The following PCDH8 variants were observed in gnomAD, a reference collection of about 807,000 sequenced individuals.
PCDH8 encodes protocadherin-8.
PCDH8 carries 36 observed loss-of-function variants against 58.2 expected under a neutral mutation model. That is an observed-to-expected ratio of 0.62 (90% CI 0.47 to 0.82). The LOEUF is 0.82. PCDH8 is among the 40% of genes least tolerant of loss of function. PCDH8 has a pLI of 0.00. For missense variants in PCDH8, 1,493 were observed against 1,567.8 expected (o/e 0.95, Z 0.81); for synonymous variants, 775 against 728.9 (o/e 1.06, Z -1.02).
rs758838163 is a variant in PCDH8, at chr13:52,847,593, C to T, written c.844G>A (p.Val282Met). The change falls in exon 1 of 3, where the codon GTG becomes ATG. Residue 282 changes from valine (V) to methionine (M), a missense_variant. Physicochemically the swap from Val to Met is conservative, Grantham distance 21. Coordinates refer to ENST00000377942, the MANE Select transcript of PCDH8 (RefSeq NM_002590.4). ...GGGGTGCGGGCGCCAAATGCGAACA[C>T]CACGTCGCCGTTAGGTCCCTCGTCG... The part of the protein sequence containing the change: ...DPDEGPNGDV[V>M]FAFGARTPPE... The T allele has an allele frequency of 6.4e-7, 1 of 1,566,984 alleles. No individual in the cohort carries two copies. Among genetic ancestry groups the T allele is most frequent in the Non-Finnish European group, 8.6e-7 (1 of 1,164,530 alleles).
At position 52,847,828 on chromosome 13, in the gene PCDH8, C is replaced by T; in HGVS notation, c.609G>A (p.Leu203=). The change falls in exon 1 of 3, where the codon CTG becomes CTA. Residue 203 remains leucine (L), a synonymous_variant. Coordinates refer to ENST00000377942, the MANE Select transcript of PCDH8 (RefSeq NM_002590.4). ...TGTAGGCGGCCTGGCTCTCGCGGTCCAGCTCCTGCAGCAGCACCAGGTCTG... is the reference window on the plus strand; with the variant it reads ...TGTAGGCGGCCTGGCTCTCGCGGTCTAGCTCCTGCAGCAGCACCAGGTCTG... ...QCADLVLLQE[L]DRESQAAYSL... The T allele has an allele frequency of 2.0e-6, 3 of 1,495,052 alleles. No homozygotes were observed. Among genetic ancestry groups the T allele is most frequent in the Non-Finnish European group, 2.7e-6 (3 of 1,128,640 alleles). The allele number at this position is 1,495,052 out of a possible 1,614,324, so 92.6% of individuals were successfully genotyped here. A position where few individuals can be genotyped will look rare whatever the true frequency, so the allele number is the denominator to read the frequency against.
chr13:52,844,880 A>C lies in PCDH8; in HGVS notation c.2893T>G (p.Trp965Gly). 4 of 1,579,542 alleles carry C rather than the reference A, an allele frequency of 2.5e-6. No homozygotes were observed. Among genetic ancestry groups the C allele is most frequent in the Non-Finnish European group, 3.4e-6 (4 of 1,161,032 alleles). The change falls in exon 3 of 3, where the codon TGG becomes GGG. Residue 965 changes from tryptophan to glycine, a missense_variant. Physicochemically the swap from Trp to Gly is radical, Grantham distance 184. This residue lies in a region of PCDH8 where 182 missense variants were observed against 178.9 expected (regional missense o/e 1.02). Coordinates refer to ENST00000377942, the MANE Select transcript of PCDH8 (RefSeq NM_002590.4). ...CKILGHSDRC[W>G]SPSCSGPNAH... is the part of the protein sequence containing the mutation. ...TTGGGCCCGCTGCAGGATGGGCTCC[A>C]GCAGCGGTCAGAGTGGCCCAGGATC...
Position 52,844,941 on chromosome 13 carries a change from GA to G in PCDH8, c.2840-9del. The G allele has an allele frequency of 6.6e-7, 1 of 1,511,292 alleles. No individual in the cohort carries two copies. Among genetic ancestry groups the G allele is most frequent in the Non-Finnish European group, 8.8e-7 (1 of 1,130,472 alleles). 93.6% of individuals were successfully genotyped at this position (1,511,292 alleles called of 1,614,324 possible). The stretch of plus-strand genomic sequence containing the variant: ...CGGTGCACGCCCACAGTCCTAATAC[GA>G]AAGGGAAAAGGAAACAGCATGACGA... On this transcript the variant is annotated splice_polypyrimidine_tract_variant and intron_variant, in intron 2 of 2. Coordinates refer to ENST00000377942, the MANE Select transcript of PCDH8 (RefSeq NM_002590.4).
Position 52,847,110 on chromosome 13 carries a change from A to T in PCDH8, c.1327T>A (p.Tyr443Asn). 1 of 1,557,628 alleles carries T rather than the reference A, an allele frequency of 6.4e-7. No homozygotes were observed. The highest frequency in any genetic ancestry group is 8.6e-7 in the Non-Finnish European group (1 of 1,158,580). ...GTCACCACCAGGTAGCTGCCCGCGTAGGCCGGCTGCAGCCGGAAGTGCTCG... is the reference window on the plus strand; with the variant it reads ...GTCACCACCAGGTAGCTGCCCGCGTTGGCCGGCTGCAGCCGGAAGTGCTCG... ...GHEHFRLQPA[Y>N]AGSYLVVTAA... The change falls in exon 1 of 3, where the codon TAC becomes AAC. Residue 443 changes from tyrosine to asparagine, a missense_variant. Coordinates refer to ENST00000377942, the MANE Select transcript of PCDH8 (RefSeq NM_002590.4).
At chr13:52,844,965 C>T (rs1048370311) in intron 2 of PCDH8, 32 bp from the exon 3 acceptor site, 22 of 1,510,454 alleles carry the variant, frequency 1.5e-5, no homozygotes, top group Non-Finnish European at 1.8e-5. Flanking sequence ...AACAGCATGA[C>T]GATTATTCCT....
Position 52,843,399 on chromosome 13 carries a change from A to G in PCDH8, c.*1161T>C, listed in dbSNP as rs1965688793. On this transcript the variant is annotated 3_prime_UTR_variant, in exon 3 of 3. Transcript: ENST00000377942. ...CATTTTAAAGCGAATCCCAAACATC[A>G]TGTCATTTTGCCCATAAATTTGAGT... 1 of 152,160 alleles carries G rather than the reference A, an allele frequency of 6.6e-6. No homozygotes were observed. Among genetic ancestry groups the G allele is most frequent in the Non-Finnish European group, 1.5e-5 (1 of 68,044 alleles). The allele number at this position is 152,160 out of a possible 1,614,324, so 9.4% of individuals were successfully genotyped here.
chr13:52,846,763 G>A lies in PCDH8; in HGVS notation c.1674C>T (p.Thr558=), dbSNP rs775250712. The A allele has an allele frequency of 8.9e-6, 14 of 1,576,700 alleles. No individual in the cohort carries two copies. In the Admixed American group the frequency reaches 1.9e-4, roughly 22 times the overall value. ...VSTYVSVDPA[T]GAIYALRSFD... ...AGCTGCGCAGCGCGTAGATGGCTCC[G>A]GTAGCTGGGTCCACCGAGACATAAG... Residue 558 remains threonine, a synonymous_variant, in exon 1 of 3, where the codon ACC becomes ACT. Transcript: ENST00000377942.
At chr13:52,845,685 A>C in intron 1 of PCDH8, 53 bp from the exon 2 acceptor site, 1 of 1,591,222 alleles carries the variant, frequency 6.3e-7, no homozygotes, top group Non-Finnish European at 8.5e-7. Flanking sequence ...ATAAGAAACA[A>C]ACAAAAAACA....
Position 52,846,593 on chromosome 13 carries a change from G to A in PCDH8, c.1844C>T (p.Ala615Val), listed in dbSNP as rs1175517322. 6.2e-7 allele frequency: 1 copy of A among 1,606,034 alleles called. No homozygotes were observed. ...HAPVLVHPAP[A>V]NGSLEVAVPG... ...CACCGCCACTTCTAGGGAGCCATTG[G>A]CTGGCGCCGGGTGCACCAGGACTGG... Residue 615 changes from alanine to valine, a missense_variant, in exon 1 of 3, where the codon GCC (alanine) becomes GTC (valine). Ala to Val is a moderately conservative substitution (Grantham distance 64, BLOSUM62 0). This residue lies in a region of PCDH8 where 1,307 missense variants were observed against 1,362.7 expected (regional missense o/e 0.96). Coordinates refer to ENST00000377942, the MANE Select transcript of PCDH8 (RefSeq NM_002590.4).
Position 52,848,388 on chromosome 13 carries a change from G to A in PCDH8, c.49C>T (p.Leu17Phe), listed in dbSNP as rs1965779252. 6 of 1,611,312 alleles carry A rather than the reference G, an allele frequency of 3.7e-6. No homozygotes were observed. The highest frequency in any genetic ancestry group is 1.7e-5 in the Admixed American group (1 of 59,996). ...WGSPCLFPLQLFSLCWVLSVA... is the reference protein window; with the variant it reads ...WGSPCLFPLQFFSLCWVLSVA... Reference sequence around the variant, plus strand: ...GAGAGCACCCAGCAGAGGCTGAAGAGCTGCAAGGGGAAAAGGCAGGGGCTG... The same window carrying A: ...GAGAGCACCCAGCAGAGGCTGAAGAACTGCAAGGGGAAAAGGCAGGGGCTG... The change falls in exon 1 of 3, where the codon CTC becomes TTC. Residue 17 changes from leucine (L) to phenylalanine (F), a missense_variant. Physicochemically the swap from Leu to Phe is conservative, Grantham distance 22 (BLOSUM62 0). This residue lies in a region of PCDH8 where 1,307 missense variants were observed against 1,362.7 expected (regional missense o/e 0.96). Transcript: ENST00000377942.
At chr13:52,845,773 G>C (rs1026469891) in intron 1 of PCDH8, 33 bp downstream of exon 1, 1 of 1,497,782 alleles carries the variant, frequency 6.7e-7, no homozygotes. Flanking sequence ...CGCGGAGCTC[G>C]GAGGGGGGCG....
Position 52,844,517 on chromosome 13 carries a change from T to C in PCDH8, c.*43A>G. 1 of 1,496,730 alleles carries C rather than the reference T, an allele frequency of 6.7e-7. No individual in the cohort carries two copies. The highest frequency in any genetic ancestry group is 8.9e-7 in the Non-Finnish European group (1 of 1,118,932). 92.7% of individuals were successfully genotyped at this position (1,496,730 alleles called of 1,614,324 possible). A position where few individuals can be genotyped will look rare whatever the true frequency, so the allele number is the denominator to read the frequency against. The stretch of plus-strand genomic sequence containing the variant: ...GAAACCGGTCAATAACTTAGGGGCT[T>C]CTCGGAGTGACCTGTATATGTGTGA... On this transcript the variant is annotated 3_prime_UTR_variant, in exon 3 of 3. Coordinates refer to ENST00000377942, the MANE Select transcript of PCDH8 (RefSeq NM_002590.4).
rs536291963 is a variant in PCDH8, at chr13:52,843,554, C to A, written c.*1006G>T. The A allele has an allele frequency of 7.2e-5, 11 of 152,306 alleles. No homozygotes were observed. The South Asian group carries it at 8.3e-4, about 11-fold the overall frequency. The allele number at this position is 152,306 out of a possible 1,614,324, so 9.4% of individuals were successfully genotyped here. On this transcript the variant is annotated 3_prime_UTR_variant, in exon 3 of 3. Coordinates refer to ENST00000377942, the MANE Select transcript of PCDH8 (RefSeq NM_002590.4). ...GATGTTAGTCTTTTTGATACTAACA[C>A]CCCGAATAAGCTGAGGGCTCTTTGG...
rs1407354737 is a variant in PCDH8, at chr13:52,845,828, C to G, written c.2609G>C (p.Arg870Pro). The change falls in exon 1 of 3, where the codon CGG becomes CCG. Residue 870 changes from arginine to proline, a missense_variant. This residue lies in a region of PCDH8 where 1,307 missense variants were observed against 1,362.7 expected (regional missense o/e 0.96). Coordinates refer to ENST00000377942, the MANE Select transcript of PCDH8 (RefSeq NM_002590.4). ...CACCTCGGCGTGCGCGCCGCGGAGC[C>G]GCTGCTGCCCCTCGAAGTGACAGGC... ...ESACHFEGQQ[R>P]LRGAHAEPYG... The G allele has an allele frequency of 2.0e-6, 3 of 1,511,704 alleles. No homozygotes were observed. The highest frequency in any genetic ancestry group is 2.6e-6 in the Non-Finnish European group (3 of 1,138,160). 93.6% of individuals were successfully genotyped at this position (1,511,704 alleles called of 1,614,324 possible). A position where few individuals can be genotyped will look rare whatever the true frequency, so the allele number is the denominator to read the frequency against.
rs1014421865 is a variant in PCDH8, at chr13:52,844,264, A to G, written c.*296T>C. 5.2e-6 allele frequency: 1 copy of G among 193,306 alleles called. No individual in the cohort carries two copies. Among genetic ancestry groups the G allele is most frequent in the Non-Finnish European group, 1.0e-5 (1 of 95,766 alleles). 12.0% of individuals were successfully genotyped at this position (193,306 alleles called of 1,614,324 possible). A position where few individuals can be genotyped will look rare whatever the true frequency, so the allele number is the denominator to read the frequency against. Reference sequence around the variant, plus strand: ...AAAATATAACAAAATTTCATTATATACAAACATTACATTACACAATGTACA... The same window carrying G: ...AAAATATAACAAAATTTCATTATATGCAAACATTACATTACACAATGTACA... On this transcript the variant is annotated 3_prime_UTR_variant, in exon 3 of 3. Coordinates refer to ENST00000377942, the MANE Select transcript of PCDH8 (RefSeq NM_002590.4).
rs1445563097 is a variant in PCDH8 at position 52,847,867 on chromosome 13, G to C, written c.570C>G (p.Asp190Glu). The C allele has an allele frequency of 6.6e-7, 1 of 1,517,958 alleles. No individual in the cohort carries two copies. Among genetic ancestry groups the C allele is most frequent in the Non-Finnish European group, 8.8e-7 (1 of 1,137,928 alleles). The allele number at this position is 1,517,958 out of a possible 1,614,324, so 94.0% of individuals were successfully genotyped here. A position where few individuals can be genotyped will look rare whatever the true frequency, so the allele number is the denominator to read the frequency against. ...GCACCAGGTCTGCGCACTGAGCGCC[G>C]TCCGCTCGCGTCTGCAGCTCCACGC... ...PFRVELQTRA[D>E]GAQCADLVLL... is the part of the protein sequence containing the mutation. Residue 190 changes from aspartate (D) to glutamate (E), a missense_variant, in exon 1 of 3, where the codon GAC becomes GAG. Physicochemically the swap from Asp to Glu is conservative, Grantham distance 45. This residue lies in a region of PCDH8 where 1,307 missense variants were observed against 1,362.7 expected (regional missense o/e 0.96). Transcript: ENST00000377942.
chr13:52,845,893 T>C lies in PCDH8; in HGVS notation c.2544A>G (p.Glu848=). ...CGCTGCCGCCCTCTGAGCCCGGCAC[T>C]TCGGCCGCGGCGACCGCAGGCGGAG... ...DAPPPAVAAA[E]VPGSEGGSAT... The change falls in exon 1 of 3, where the codon GAA becomes GAG. Residue 848 remains glutamate (E), a synonymous_variant. Coordinates refer to ENST00000377942, the MANE Select transcript of PCDH8 (RefSeq NM_002590.4). The C allele has an allele frequency of 6.7e-7, 1 of 1,484,416 alleles. No homozygotes were observed. Among genetic ancestry groups the C allele is most frequent in the East Asian group, 2.7e-5 (1 of 37,012 alleles). 92.0% of individuals were successfully genotyped at this position (1,484,416 alleles called of 1,614,324 possible).
Position 52,846,233 on chromosome 13 carries a change from G to A in PCDH8, c.2204C>T (p.Ser735Phe), listed in dbSNP as rs1466756412. 1 of 1,585,384 alleles carries A rather than the reference G, an allele frequency of 6.3e-7. No homozygotes were observed. The highest frequency in any genetic ancestry group is 8.5e-7 in the Non-Finnish European group (1 of 1,172,834). The change falls in exon 1 of 3, where the codon TCT (serine) becomes TTT (phenylalanine). Residue 735 changes from serine (S) to phenylalanine (F), a missense_variant. This residue lies in a region of PCDH8 where 1,307 missense variants were observed against 1,362.7 expected (regional missense o/e 0.96). Coordinates refer to ENST00000377942, the MANE Select transcript of PCDH8 (RefSeq NM_002590.4). ...CACCGACCCGGACACCCCGAGCCGA[G>A]AGCCAGGCGGGCGGGAACGCTCCGG... ...GSPERSRPPG[S>F]RLGVSGSVLQ... is the part of the protein sequence containing the mutation.
In PCDH8 at chr13:52,846,533, C is replaced by G; in HGVS notation, c.1904G>C (p.Arg635Pro). The change falls in exon 1 of 3, where the codon CGT (arginine) becomes CCT (proline). Residue 635 changes from arginine (R) to proline (P), a missense_variant. Coordinates refer to ENST00000377942, the MANE Select transcript of PCDH8 (RefSeq NM_002590.4). ...CTCGTCTGCATCCCGGGCCTGCACA[C>G]GGGCCACAACCGTGTCCTTTGCGGT... Reference protein sequence around the residue: ...GRTAKDTVVARVQARDADEGA... With the variant: ...GRTAKDTVVAPVQARDADEGA... The G allele has an allele frequency of 1.9e-6, 3 of 1,597,224 alleles. No individual in the cohort carries two copies. Among genetic ancestry groups the G allele is most frequent in the Non-Finnish European group, 2.5e-6 (3 of 1,177,230 alleles).
Sources: gnomAD v4.1 joint callset for allele counts on GRCh38, gnomAD v4.1.1 for gene constraint, gnomAD v4.1.1 regional missense constraint, MANE v1.5 for transcripts, NCBI Gene and HGNC (gene_info 2026-07-23, HGNC 2026-07-21) for gene names.